Variants in RNF4 observed in about 807,000 individuals in gnomAD.
The protein encoded by RNF4 is E3 ubiquitin-protein ligase RNF4.
In RNF4, 7 loss-of-function variants were observed where a neutral mutation model predicts 24.3. That is an observed-to-expected ratio of 0.29 (90% CI 0.16 to 0.54). The LOEUF (loss-of-function observed/expected upper bound fraction) is 0.54, where lower values mean the gene tolerates loss of function less well. Ranked by LOEUF, RNF4 falls within the 20% of genes least tolerant of loss-of-function variation. The probability of loss-of-function intolerance (pLI) is 0.95; values close to 1 mark genes in which losing one functional copy is unlikely to be tolerated. For synonymous variants in RNF4, 83 were observed against 84.3 expected (o/e 0.98, Z 0.09); for missense variants, 209 against 248.5 (o/e 0.84, Z 1.07).
chr4:2,493,037 G>C (rs905231017), intron 2 of RNF4, among the ~76,000 whole-genome samples: 9 of 152,174 alleles, frequency 5.9e-5, no homozygotes, highest in African/African-American at 2.2e-4. Context: ...AAAAGGAAGA[G>C]AATTATGACC....
At chr4:2,498,527 A>G (rs370483596) in intron 3 of RNF4, among the ~76,000 whole-genome samples, 1 of 152,196 alleles carries the variant, frequency 6.6e-6, no homozygotes, top group East Asian at 1.9e-4. Context: ...TGTGTTCACC[A>G]GAAAGAGAAT....
intron 1 of RNF4, among the ~76,000 whole-genome samples, chr4:2,477,353 A>C (rs1225391848): frequency 1.3e-5 from 2 of 151,998 alleles, no homozygotes. Context: ...TTGGGAGGCC[A>C]AGGCGGGCGG....
intron 4 of RNF4, among the ~76,000 whole-genome samples, chr4:2,508,933 T>TTTTTTTC (rs1736186197): frequency 6.9e-6 from 1 of 145,066 alleles, no homozygotes; most frequent in East Asian, 2.0e-4. Context: ...TTTTTTTTTT[T>TTTTTTTC]TTTAATTAAA....
In RNF4 at chr4:2,512,483, A is replaced by T. The variant is rs1359719284; in HGVS notation, c.260A>T (p.His87Leu). 2 of 1,613,618 alleles carry T rather than the reference A, an allele frequency of 1.2e-6. No individual in the cohort carries two copies. The highest frequency in any genetic ancestry group is 1.7e-6 in the Non-Finnish European group (2 of 1,179,766). ...RRNARRLPQD[H>L]ADSCVVSSDD... The stretch of plus-strand genomic sequence containing the variant: ...AATGCTAGGAGGCTGCCCCAGGACC[A>T]TGCTGACAGCTGTGTGGTGAGCAGT... The change falls in exon 6 of 8, where the codon CAT (histidine) becomes CTT (leucine). Residue 87 changes from histidine (H) to leucine (L), a missense_variant. Physicochemically the swap from His to Leu is moderately conservative, Grantham distance 99. This residue lies in a region of RNF4 where 182 missense variants were observed against 197.2 expected (regional missense o/e 0.92). Coordinates refer to ENST00000314289, the MANE Select transcript of RNF4 (RefSeq NM_002938.5). The surrounding 1 kb of genome is among the most constrained non-coding windows in gnomAD (Gnocchi z 4.1).
intron 4 of RNF4, among the ~76,000 whole-genome samples, chr4:2,508,271 A>G (rs1268509537): frequency 6.6e-6 from 1 of 152,222 alleles, no homozygotes; most frequent in East Asian, 1.9e-4. Context: ...AAAGCCTCTC[A>G]AATAGATTAG....
intron 1 of RNF4, among the ~76,000 whole-genome samples, chr4:2,482,629 G>A (rs1167143573): frequency 6.6e-6 from 1 of 152,196 alleles, no homozygotes; most frequent in Non-Finnish European, 1.5e-5. Flanking sequence ...GGGGATTTTG[G>A]TTGTAGCCTG....
chr4:2,503,335 A>G (rs1023910584), intron 4 of RNF4, among the ~76,000 whole-genome samples: 3 of 152,130 alleles, frequency 2.0e-5, no homozygotes, highest in African/African-American at 4.8e-5. Flanking sequence ...ATCTGCAGTC[A>G]TTGGGAGACC....
intron 1 of RNF4, among the ~76,000 whole-genome samples, chr4:2,473,140 G>C (rs1171992887): frequency 6.6e-6 from 1 of 151,880 alleles, no homozygotes; most frequent in South Asian, 2.1e-4. Flanking sequence ...CCAGCACTTT[G>C]GGAGGCTGGG....
At chr4:2,507,399 G>A (rs897485532) in intron 4 of RNF4, among the ~76,000 whole-genome samples, 3 of 152,200 alleles carry the variant, frequency 2.0e-5, no homozygotes, top group Admixed American at 6.5e-5. Flanking sequence ...GTGATTGTCC[G>A]CACCAGTCTT....
At chr4:2,511,991 C>A in intron 5 of RNF4, 26 bp downstream of exon 5, 1 of 1,602,646 alleles carries the variant, frequency 6.2e-7, no homozygotes, top group Non-Finnish European at 8.5e-7. Context: ...TCCTTTTTCA[C>A]TGGGTTTGGA....
At position 2,511,941 on chromosome 4, in the gene RNF4, CCTT is replaced by C. The variant is rs1430884111; in HGVS notation, c.205-12_205-10del. On this transcript the variant is annotated splice_polypyrimidine_tract_variant and intron_variant, in intron 4 of 7. Transcript: ENST00000314289. ...TTGCTTCTTTCTCTTTTGTTTTTCT[CCTT>C]CTGTTTACAAGATTGTTGACGGTGA... is the stretch of plus-strand genomic sequence containing the variant. The C allele has an allele frequency of 1.2e-6, 2 of 1,602,522 alleles. No homozygotes were observed. The highest frequency in any genetic ancestry group is 8.5e-7 in the Non-Finnish European group (1 of 1,174,110).
At chr4:2,493,550 T>C (rs1247404799) in intron 2 of RNF4, among the ~76,000 whole-genome samples, 1 of 151,918 alleles carries the variant, frequency 6.6e-6, no homozygotes, top group Non-Finnish European at 1.5e-5. Context: ...GAGACCAGCC[T>C]GGCCAACATG....
rs1736391210 is a variant in RNF4 at position 2,515,521 on chromosome 4, A to G, written c.*1702A>G. On this transcript the variant is annotated 3_prime_UTR_variant, in exon 8 of 8. Transcript: ENST00000314289. Reference sequence around the variant, plus strand: ...ATGTCACGATGCCCAGACTTGGAGCAAGGCAACCTTGGAGTCAGTCCACTC... The same window carrying G: ...ATGTCACGATGCCCAGACTTGGAGCGAGGCAACCTTGGAGTCAGTCCACTC... 4 of 152,286 alleles carry G rather than the reference A, an allele frequency of 2.6e-5. No individual in the cohort carries two copies. In the South Asian group the frequency reaches 8.3e-4, roughly 32 times the overall value. 9.4% of individuals were successfully genotyped at this position (152,286 alleles called of 1,614,324 possible). A position where few individuals can be genotyped will look rare whatever the true frequency, so the allele number is the denominator to read the frequency against.
intron 2 of RNF4, among the ~76,000 whole-genome samples, chr4:2,495,642 G>C (rs1042219290): frequency 8.7e-5 from 13 of 148,708 alleles, no homozygotes; most frequent in East Asian, 4.1e-4. Context: ...TTTTTTTTGG[G>C]GGGGGGTGAG....
rs980508253 is a variant in RNF4 at position 2,509,011 on chromosome 4, C to T, written c.205-2945C>T. On this transcript the variant is annotated intron_variant, in intron 4 of 7. Coordinates refer to ENST00000314289, the MANE Select transcript of RNF4 (RefSeq NM_002938.5). ...TCAGCTCACTGCAGCCTCCACCTCC[C>T]GGGCTCAAGTGATTCTCCTGCCTCA... Among the ~76,000 whole-genome samples, 6 of 150,368 alleles carry T rather than the reference C, an allele frequency of 4.0e-5. No homozygotes were observed. In the Admixed American group the frequency reaches 4.0e-4, roughly 10 times the overall value.
chr4:2,488,887 C>T (rs760770468), intron 1 of RNF4, among the ~76,000 whole-genome samples: 10 of 151,968 alleles, frequency 6.6e-5, no homozygotes, highest in Admixed American at 1.3e-4. Flanking sequence ...GGCATGATCT[C>T]GGCTCCTCTG....
At chr4:2,497,871 T>C (rs961464047) in intron 3 of RNF4, among the ~76,000 whole-genome samples, 1 of 152,158 alleles carries the variant, frequency 6.6e-6, no homozygotes, top group Non-Finnish European at 1.5e-5. Context: ...CCTGACCTTG[T>C]GATCCACCCG....
intron 1 of RNF4, among the ~76,000 whole-genome samples, chr4:2,485,164 G>C (rs1443122620): frequency 1.3e-5 from 2 of 152,128 alleles, no homozygotes. Flanking sequence ...GCGCGTTTGG[G>C]CTGGGACTGC....
At chr4:2,511,901 C>G in intron 4 of RNF4, 55 bp from the exon 5 acceptor site, 4 of 1,552,508 alleles carry the variant, frequency 2.6e-6, no homozygotes, top group Non-Finnish European at 3.5e-6. Flanking sequence ...TCGTTTATCA[C>G]TTATATCAAA....
Sources: allele counts gnomAD v4.1 joint callset (sites outside exome capture counted in the v4.1 genomes callset), GRCh38; gene constraint gnomAD v4.1.1; regional missense constraint gnomAD v4.1.1; non-coding constraint Gnocchi (gnomAD v3.1); transcripts MANE v1.5; gene names NCBI Gene and HGNC (gene_info 2026-07-23, HGNC 2026-07-21).